The following EPM2A variants were observed in gnomAD, a reference collection of about 807,000 sequenced individuals.
The protein encoded by EPM2A is EPM2A glucan phosphatase, laforin.
EPM2A carries 21 observed loss-of-function variants against 26.5 expected under a neutral mutation model. The observed-to-expected ratio is 0.79, with a 90% CI of 0.56 to 1.14. The LOEUF (loss-of-function observed/expected upper bound fraction) is 1.14. EPM2A is among the 50% of genes most tolerant of loss of function. EPM2A has a pLI of 0.00. For synonymous variants in EPM2A, 217 were observed against 177.6 expected (o/e 1.22, Z -1.76); for missense variants, 458 against 440.8 (o/e 1.04, Z -0.35).
At chr6:145,701,711 T>C (rs1781920636) in intron 1 of EPM2A, among the ~76,000 whole-genome samples, 2 of 152,228 alleles carry the variant, frequency 1.3e-5, no homozygotes, top group South Asian at 4.1e-4. Context: ...AGTGATGCAC[T>C]GGAACACATT....
At chr6:145,650,836 ATTCTGATAACCAGAATTT>A (rs893278509) in intron 2 of EPM2A, among the ~76,000 whole-genome samples, 1 of 152,166 alleles carries the variant, frequency 6.6e-6, no homozygotes, top group Non-Finnish European at 1.5e-5. Flanking sequence ...GTTACCTAAA[ATTCTGATAACCAGAATTT>A]CTTAGGCACT....
chr6:145,459,036 T>C (rs1779296650), intron 4 of EPM2A, among the ~76,000 whole-genome samples: 1 of 152,144 alleles, frequency 6.6e-6, no homozygotes, highest in Non-Finnish European at 1.5e-5. Context: ...TTTTGAGTCT[T>C]CCACCTAAAT....
At chr6:145,633,713 C>T (rs912839109) in intron 3 of EPM2A, 1 of 152,198 alleles carries the variant, frequency 6.6e-6, no homozygotes, top group African/African-American at 2.4e-5. Context: ...GGGAGACAAG[C>T]TACTTCCCTT....
intron 1 of EPM2A, among the ~76,000 whole-genome samples, chr6:145,690,559 C>T (rs1298572404): frequency 1.5e-5 from 2 of 136,986 alleles, no homozygotes; most frequent in African/African-American, 5.4e-5. Context: ...AACCTCATTA[C>T]ATAATACCCA....
At chr6:145,394,143 G>C (rs977550704) in intron 4 of EPM2A, among the ~76,000 whole-genome samples, 12 of 152,154 alleles carry the variant, frequency 7.9e-5, no homozygotes, top group African/African-American at 2.9e-4. Context: ...CTATTTTTAA[G>C]GCAAAGCCAG....
chr6:145,432,623 G>T (rs1778936477), intron 4 of EPM2A, among the ~76,000 whole-genome samples: 1 of 151,830 alleles, frequency 6.6e-6, no homozygotes, highest in East Asian at 1.9e-4. Context: ...GTTCAAGTAG[G>T]TTTAGTGTAA....
intron 2 of EPM2A, among the ~76,000 whole-genome samples, chr6:145,676,886 T>A (rs192289620): frequency 6.9e-4 from 105 of 152,166 alleles, no homozygotes; most frequent in Non-Finnish European, 5.4e-4. Context: ...CTGAAACTAT[T>A]CCAATCAATA....
chr6:145,728,698 T>C (rs1776333454), intron 1 of EPM2A, among the ~76,000 whole-genome samples: 1 of 152,162 alleles, frequency 6.6e-6, no homozygotes, highest in African/African-American at 2.4e-5. Context: ...AAGCAGAGCA[T>C]AAAAGCTTGG....
At chr6:145,454,078 T>C (rs146745465) in intron 4 of EPM2A, among the ~76,000 whole-genome samples, 12 of 152,282 alleles carry the variant, frequency 7.9e-5, no homozygotes, top group African/African-American at 2.4e-4. Context: ...TCTAATAATA[T>C]GTCTGTAGTA....
At chr6:145,614,857 T>C (rs1775471344) in intron 2 of EPM2A, among the ~76,000 whole-genome samples, 1 of 152,170 alleles carries the variant, frequency 6.6e-6, no homozygotes, top group Non-Finnish European at 1.5e-5. Context: ...ATTGCAAAAG[T>C]GTAGACACAA....
At chr6:145,633,926 A>ATGGGCAATAACT (rs1232717290) in intron 3 of EPM2A, 1 of 152,216 alleles carries the variant, frequency 6.6e-6, no homozygotes, top group Admixed American at 6.5e-5. Flanking sequence ...GTTCTATGAC[A>ATGGGCAATAACT]TGGGCAATAA....
chr6:145,584,755 G>T (rs1781165856), intron 2 of EPM2A, among the ~76,000 whole-genome samples: 1 of 152,036 alleles, frequency 6.6e-6, no homozygotes, highest in Admixed American at 6.5e-5. Context: ...CCCCACACAG[G>T]GTTCCCAGCT....
In EPM2A at chr6:145,575,218, T is replaced by C. The variant is rs150995817; in HGVS notation, c.340+60027A>G. 1.4e-3 allele frequency among the ~76,000 whole-genome samples: 219 copies of C among 152,238 alleles called. 1 individual carries two copies. The highest frequency in any genetic ancestry group is 2.3e-3 in the Admixed American group (35 of 15,296). ...GAGGGGATGTTGCCACTACTGGGGA[T>C]GGGGAAGCTGTTTACTCTGGCAAAA... On this transcript the variant is annotated intron_variant, in intron 2 of 3. Coordinates refer to the EPM2A transcript ENST00000450221.
At chr6:145,398,963 G>A (rs1325837490) in intron 4 of EPM2A, among the ~76,000 whole-genome samples, 2 of 151,280 alleles carry the variant, frequency 1.3e-5, no homozygotes, top group African/African-American at 4.9e-5. Flanking sequence ...CCAATTGCTT[G>A]CACACCCAAA....
intron 1 of EPM2A, among the ~76,000 whole-genome samples, chr6:145,733,888 A>C (rs1776648591): frequency 6.6e-6 from 1 of 152,110 alleles, no homozygotes; most frequent in East Asian, 1.9e-4. Context: ...TTCTAAAGAG[A>C]CATTCATTTC....
At chr6:145,404,359 A>G (rs1051388010) in intron 4 of EPM2A, among the ~76,000 whole-genome samples, 2 of 151,226 alleles carry the variant, frequency 1.3e-5, no homozygotes, top group Non-Finnish European at 3.0e-5. Context: ...TTATTTTTAT[A>G]TTTTTCTTAT....
intron 4 of EPM2A, among the ~76,000 whole-genome samples, chr6:145,460,324 C>T (rs376440780): frequency 6.8e-4 from 103 of 152,240 alleles, no homozygotes; most frequent in African/African-American, 2.3e-3. Context: ...TAGCTTTTCC[C>T]TGAGATTGTC....
At chr6:145,650,016 A>AT (rs1777763108) in intron 2 of EPM2A, among the ~76,000 whole-genome samples, 2 of 152,184 alleles carry the variant, frequency 1.3e-5, no homozygotes, top group African/African-American at 4.8e-5. Context: ...CGTTCATCAA[A>AT]TACAGGGTAC....
intron 2 of EPM2A, among the ~76,000 whole-genome samples, chr6:145,648,034 G>A (rs1777613174): frequency 6.6e-6 from 1 of 152,168 alleles, no homozygotes; most frequent in Non-Finnish European, 1.5e-5. Flanking sequence ...GTGTTCAATA[G>A]TAGTAATTAG....
Sources: gnomAD v4.1 joint callset for allele counts (sites outside exome capture counted in the v4.1 genomes callset) on GRCh38, gnomAD v4.1.1 for gene constraint, MANE v1.5 for transcripts, NCBI Gene and HGNC (gene_info 2026-07-23, HGNC 2026-07-21) for gene names.